ADAMTS6: variants seen among roughly 807,000 people sequenced by gnomAD.
ADAMTS6 encodes A disintegrin and metalloproteinase with thrombospondin motifs 6.
Under a neutral mutation model 144.3 loss-of-function variants are expected in ADAMTS6, and 23 were observed. The ratio of observed to expected loss-of-function variants is 0.16; its 90% CI spans 0.11 to 0.23. ADAMTS6 has a LOEUF of 0.23. Ranked by LOEUF, ADAMTS6 falls within the 10% of genes least tolerant of loss-of-function variation. The probability of loss-of-function intolerance (pLI) is 1.00; values close to 1 mark genes in which losing one functional copy is unlikely to be tolerated. For synonymous variants in ADAMTS6, 444 were observed against 457.5 expected (o/e 0.97, Z 0.38); for missense variants, 999 against 1,379.6 (o/e 0.72, Z 4.37).
At chr5:65,248,896 C>G (rs1002949765) in intron 14 of ADAMTS6, among the ~76,000 whole-genome samples, 1 of 152,060 alleles carries the variant, frequency 6.6e-6, no homozygotes, top group African/African-American at 2.4e-5. Context: ...CCTTATTTCT[C>G]AAAACATAAT....
chr5:65,281,381 A>C (rs1762977076), intron 11 of ADAMTS6, among the ~76,000 whole-genome samples: 1 of 152,116 alleles, frequency 6.6e-6, no homozygotes, highest in Non-Finnish European at 1.5e-5. Context: ...CCTATTTTTT[A>C]CTTTGATTTT....
rs750301471 is a variant in ADAMTS6, at chr5:65,214,680, C to A, written c.2575+114G>T. On this transcript the variant is annotated intron_variant, in intron 20 of 24. Coordinates refer to ENST00000381055, the MANE Select transcript of ADAMTS6 (RefSeq NM_197941.4). The surrounding 1 kb of genome is among the most constrained non-coding windows in gnomAD (Gnocchi z 4.6). ...TCTTTTGCTAAATTACAGCTTGAAGCAAACCTGCAAGAAATGTTTCCAATT... is the reference window on the plus strand; with the variant it reads ...TCTTTTGCTAAATTACAGCTTGAAGAAAACCTGCAAGAAATGTTTCCAATT... The A allele has an allele frequency of 6.7e-7, 1 of 1,501,194 alleles. No homozygotes were observed. Among genetic ancestry groups the A allele is most frequent in the Non-Finnish European group, 9.2e-7 (1 of 1,088,366 alleles). 93.0% of individuals were successfully genotyped at this position (1,501,194 alleles called of 1,614,324 possible).
chr5:65,395,020 T>C (rs533038454), intron 7 of ADAMTS6, among the ~76,000 whole-genome samples: 3 of 152,058 alleles, frequency 2.0e-5, no homozygotes, highest in Admixed American at 6.5e-5. Flanking sequence ...ATTAAGGAAC[T>C]AGGGGAAAAA....
At chr5:65,185,805 G>C (rs1301941817) in intron 22 of ADAMTS6, among the ~76,000 whole-genome samples, 2 of 152,174 alleles carry the variant, frequency 1.3e-5, no homozygotes, top group Non-Finnish European at 2.9e-5. Flanking sequence ...AATTTGGAAT[G>C]GAAGCATATC....
At chr5:65,289,901 G>C (rs966592604) in intron 11 of ADAMTS6, among the ~76,000 whole-genome samples, 3 of 152,114 alleles carry the variant, frequency 2.0e-5, no homozygotes, top group Non-Finnish European at 4.4e-5. Flanking sequence ...TAATCCGTAA[G>C]TATATATAGA....
intron 24 of ADAMTS6, among the ~76,000 whole-genome samples, chr5:65,162,014 G>T (rs901088368): frequency 6.6e-6 from 1 of 152,070 alleles, no homozygotes; most frequent in Non-Finnish European, 1.5e-5. Flanking sequence ...AATAAAAAGC[G>T]ATTTAGCCAG....
chr5:65,460,188 A>T lies in ADAMTS6; in HGVS notation c.613T>A (p.Ser205Thr). The T allele has an allele frequency of 6.2e-7, 1 of 1,614,012 alleles. No homozygotes were observed. Among genetic ancestry groups the T allele is most frequent in the Middle Eastern group, 1.7e-4 (1 of 6,060 alleles). ...ALQQRHLYDHSHCGVSDFTRS... is the reference protein window; with the variant it reads ...ALQQRHLYDHTHCGVSDFTRS... ...CACTCACCCGAAACCCCACAATGAG[A>T]GTGATCATACAGATGTCGTTGTTGA... Residue 205 changes from serine (S) to threonine (T), a missense_variant, in exon 4 of 25, where the codon TCT becomes ACT. Physicochemically the swap from Ser to Thr is moderately conservative, Grantham distance 58. Coordinates refer to ENST00000381055, the MANE Select transcript of ADAMTS6 (RefSeq NM_197941.4).
chr5:65,196,380 G>A (rs921027432), intron 21 of ADAMTS6, among the ~76,000 whole-genome samples: 3 of 151,666 alleles, frequency 2.0e-5, no homozygotes, highest in South Asian at 2.1e-4. Context: ...AAATTTAGCC[G>A]GGTGTGGTGG....
chr5:65,406,812 C>A (rs1289583753), intron 7 of ADAMTS6, among the ~76,000 whole-genome samples: 1 of 151,300 alleles, frequency 6.6e-6, no homozygotes, highest in Non-Finnish European at 1.5e-5. Context: ...TGAGATACGT[C>A]CCATCAATAC....
rs141640480 is a variant in ADAMTS6 at position 65,402,779 on chromosome 5, T to A, written c.1073+48696A>T. On this transcript the variant is annotated intron_variant, in intron 7 of 24. Transcript: ENST00000381055. ...ACTGTTTTCCCCCGTCTCTCCTACA[T>A]CATCAATTTTGGTCTAGCTTTAATA... is the stretch of plus-strand genomic sequence containing the variant. Among the ~76,000 whole-genome samples the A allele has an allele frequency of 5.8e-3, 881 of 152,146 alleles. 13 individuals carry two copies. Among genetic ancestry groups the A allele is most frequent in the African/African-American group, 0.02 (828 of 41,536 alleles).
chr5:65,242,026 T>A (rs996798016), intron 15 of ADAMTS6, 78 bp downstream of exon 15: 4 of 970,790 alleles, frequency 4.1e-6, no homozygotes, highest in African/African-American at 3.3e-5. Context: ...AATGTATGCA[T>A]GTGTTTGTAT....
At chr5:65,402,100 T>C (rs894593940) in intron 7 of ADAMTS6, among the ~76,000 whole-genome samples, 1 of 152,152 alleles carries the variant, frequency 6.6e-6, no homozygotes, top group African/African-American at 2.4e-5. Context: ...AGCATTGCAC[T>C]CTCTACCATC....
chr5:65,223,061 T>C (rs1314780958), intron 18 of ADAMTS6, among the ~76,000 whole-genome samples: 3 of 152,044 alleles, frequency 2.0e-5, no homozygotes, highest in Non-Finnish European at 1.5e-5. Context: ...TCCATATGGA[T>C]AAAATTAAAA....
chr5:65,295,812 T>C (rs1742780983), intron 10 of ADAMTS6, among the ~76,000 whole-genome samples: 1 of 152,130 alleles, frequency 6.6e-6, no homozygotes, highest in South Asian at 2.1e-4. Flanking sequence ...TAAATCAAAG[T>C]ATATTTACAT....
At chr5:65,156,656 T>G (rs1348718887) in intron 24 of ADAMTS6, among the ~76,000 whole-genome samples, 1 of 152,224 alleles carries the variant, frequency 6.6e-6, no homozygotes, top group African/African-American at 2.4e-5. Flanking sequence ...GTAGTTAATT[T>G]GTTTTGAAGG....
At chr5:65,475,355 T>A (rs1187662580) in intron 1 of ADAMTS6, among the ~76,000 whole-genome samples, 3 of 152,176 alleles carry the variant, frequency 2.0e-5, no homozygotes, top group African/African-American at 4.8e-5. Flanking sequence ...AATTCATTAA[T>A]CAACAAATAT....
chr5:65,244,150 A>C (rs1554054372), intron 14 of ADAMTS6, among the ~76,000 whole-genome samples: 1 of 152,092 alleles, frequency 6.6e-6, no homozygotes, highest in Non-Finnish European at 1.5e-5. Flanking sequence ...AAGAAAGAAA[A>C]AGGACTCGTC....
At chr5:65,463,289 A>G (rs1032441475) in intron 3 of ADAMTS6, among the ~76,000 whole-genome samples, 1 of 152,160 alleles carries the variant, frequency 6.6e-6, no homozygotes, top group Non-Finnish European at 1.5e-5. Context: ...AGCCAAATAT[A>G]TATCTTGGGA....
At chr5:65,418,221 A>T (rs1755705465) in intron 7 of ADAMTS6, among the ~76,000 whole-genome samples, 1 of 152,220 alleles carries the variant, frequency 6.6e-6, no homozygotes, top group African/African-American at 2.4e-5. Context: ...TTAACTCAAG[A>T]TGGATTAAAA....
Sources: allele counts gnomAD v4.1 joint callset (sites outside exome capture counted in the v4.1 genomes callset), GRCh38; gene constraint gnomAD v4.1.1; non-coding constraint Gnocchi (gnomAD v3.1); transcripts MANE v1.5; gene names NCBI Gene and HGNC (gene_info 2026-07-23, HGNC 2026-07-21).